Variants in PDE4D observed in about 807,000 individuals in gnomAD.
The protein encoded by PDE4D is 3',5'-cyclic-AMP phosphodiesterase 4D.
A neutral mutation model predicts 87.4 loss-of-function variants in PDE4D; 24 were observed. The ratio of observed to expected loss-of-function variants is 0.27; its 90% CI spans 0.20 to 0.39. PDE4D has a LOEUF of 0.39. Ranked by LOEUF, PDE4D falls within the 10% of genes least tolerant of loss-of-function variation. The pLI is 1.00. For synonymous variants in PDE4D, 384 were observed against 383.2 expected, an observed-to-expected ratio of 1.00 and a Z score of -0.02; for missense variants, 714 against 1,041.0, an observed-to-expected ratio of 0.69 and a Z score of 4.32.
intron 1 of PDE4D, among the ~76,000 whole-genome samples, chr5:59,229,789 C>T (rs10052063): frequency 0.21 from 32,608 of 152,070 alleles, 4,427 homozygotes; most frequent in East Asian, 0.6. Context: ...CACCTTATAT[C>T]ATTACTTAAT....
chr5:59,807,933 G>A (rs1360090128), intron 1 of PDE4D, among the ~76,000 whole-genome samples: 1 of 152,176 alleles, frequency 6.6e-6, no homozygotes, highest in African/African-American at 2.4e-5. Context: ...TCTGTGGTGG[G>A]GTTGGGAAAT....
At chr5:59,235,500 T>C (rs1186176512) in intron 1 of PDE4D, among the ~76,000 whole-genome samples, 1 of 152,024 alleles carries the variant, frequency 6.6e-6, no homozygotes, top group Non-Finnish European at 1.5e-5. Flanking sequence ...GTGCCTAGAG[T>C]CTCATAGATT....
At position 59,762,364 on chromosome 5, in the gene PDE4D, G is replaced by A. The variant is rs182567726; in HGVS notation, c.455+130804C>T. On this transcript the variant is annotated intron_variant, in intron 1 of 14. Coordinates refer to ENST00000340635, the MANE Select transcript of PDE4D (RefSeq NM_001104631.2). ...TACACATATGCATATATGTGTATAT[G>A]GGTACACATGTGTATATGTGTATAT... 1.3e-4 allele frequency among the ~76,000 whole-genome samples: 16 copies of A among 126,816 alleles called. No individual in the cohort carries two copies. The East Asian group carries it at 3.2e-3, about 26-fold the overall frequency. The allele number at this position is 126,816 out of a possible 152,430, so 83.2% of individuals were successfully genotyped here.
At chr5:60,066,295 T>C (rs1195663186) in intron 2 of PDE4D, among the ~76,000 whole-genome samples, 1 of 152,188 alleles carries the variant, frequency 6.6e-6, no homozygotes, top group Non-Finnish European at 1.5e-5. Context: ...TGTTTTTTTC[T>C]TGTAAATTTG....
At chr5:59,427,311 AC>A (rs1795415128) in intron 1 of PDE4D, among the ~76,000 whole-genome samples, 2 of 150,408 alleles carry the variant, frequency 1.3e-5, no homozygotes, top group African/African-American at 4.9e-5. Context: ...ACACACACAC[AC>A]ACACACACAC....
intron 1 of PDE4D, among the ~76,000 whole-genome samples, chr5:60,464,149 A>G (rs1415146052): frequency 6.6e-6 from 1 of 152,160 alleles, no homozygotes; most frequent in Non-Finnish European, 1.5e-5. Flanking sequence ...CCAGGAAGCC[A>G]TGTAATTTTT....
intron 1 of PDE4D, among the ~76,000 whole-genome samples, chr5:60,438,820 T>C (rs919274289): frequency 6.6e-6 from 1 of 151,912 alleles, no homozygotes; most frequent in Non-Finnish European, 1.5e-5. Flanking sequence ...CAAAGTAGCA[T>C]TTTTTTTCCT....
intron 1 of PDE4D, among the ~76,000 whole-genome samples, chr5:60,441,255 A>G (rs1745185767): frequency 6.6e-6 from 1 of 152,174 alleles, no homozygotes; most frequent in Non-Finnish European, 1.5e-5. Context: ...AGACCAATGG[A>G]ACAGAACAGA....
intron 1 of PDE4D, among the ~76,000 whole-genome samples, chr5:59,491,941 C>A (rs1340814624): frequency 4.6e-5 from 7 of 152,232 alleles, no homozygotes; most frequent in Admixed American, 2.6e-4. Context: ...AACCCAGATA[C>A]CCATTCAGGA....
chr5:60,389,318 T>C (rs1762413853), intron 1 of PDE4D, among the ~76,000 whole-genome samples: 1 of 152,168 alleles, frequency 6.6e-6, no homozygotes, highest in South Asian at 2.1e-4. Context: ...TGAAACTGTA[T>C]TCAAAAGGTT....
intron 1 of PDE4D, among the ~76,000 whole-genome samples, chr5:60,294,259 C>T (rs1753180690): frequency 1.3e-5 from 2 of 152,044 alleles, no homozygotes; most frequent in Non-Finnish European, 2.9e-5. Context: ...AAATGCTTTG[C>T]CCATTTTTAT....
At chr5:59,979,998 A>T in intron 3 of PDE4D, among the ~76,000 whole-genome samples, 1 of 152,224 alleles carries the variant, frequency 6.6e-6, no homozygotes, top group East Asian at 1.9e-4. Context: ...AACTGAAAAT[A>T]TATTTTTCAT....
At position 60,048,886 on chromosome 5, in the gene PDE4D, G is replaced by C. The variant is rs138677865; in HGVS notation, c.43-60169C>G. ...GAGGAGTATCTTTTTGGCATTCTCT[G>C]TATTTCCTGAATCTGAATTTTGGCC... On this transcript the variant is annotated intron_variant, in intron 2 of 16. Transcript: ENST00000502484. 6.6e-3 allele frequency among the ~76,000 whole-genome samples: 1,009 copies of C among 152,236 alleles called. 9 individuals are homozygous for C. The highest frequency in any genetic ancestry group is 0.024 in the African/African-American group (979 of 41,524).
At chr5:59,688,482 C>T (rs925535973) in intron 1 of PDE4D, among the ~76,000 whole-genome samples, 5 of 151,922 alleles carry the variant, frequency 3.3e-5, no homozygotes, top group African/African-American at 7.3e-5. Flanking sequence ...GGGTACATAA[C>T]GAAATGAAGG....
At chr5:59,921,957 A>G (rs1019742564) in intron 3 of PDE4D, among the ~76,000 whole-genome samples, 1 of 152,196 alleles carries the variant, frequency 6.6e-6, no homozygotes, top group Non-Finnish European at 1.5e-5. Context: ...AGGGTAGGAA[A>G]GAAAGTCTTG....
chr5:60,438,668 A>ATT (rs141801465), intron 1 of PDE4D, among the ~76,000 whole-genome samples: 1 of 150,278 alleles, frequency 6.7e-6, no homozygotes, highest in African/African-American at 2.4e-5. Flanking sequence ...AAAATGAGCA[A>ATT]TTTTTTTTTT....
At chr5:58,985,714 G>A (rs1746270080) in intron 11 of PDE4D, among the ~76,000 whole-genome samples, 1 of 152,146 alleles carries the variant, frequency 6.6e-6, no homozygotes, top group Non-Finnish European at 1.5e-5. Context: ...CTGAGAATGT[G>A]CTGGCTTGAC....
At chr5:59,380,388 C>CAAAAAAAAAAAAAA (rs10574102) in intron 1 of PDE4D, among the ~76,000 whole-genome samples, 2 of 108,920 alleles carry the variant, frequency 1.8e-5, no homozygotes, top group Non-Finnish European at 3.7e-5. Flanking sequence ...CAAAAGCAAT[C>CAAAAAAAAAAAAAA]AAAAAAAAAA....
At chr5:60,077,421 G>A (rs2152900858) in intron 2 of PDE4D, among the ~76,000 whole-genome samples, 1 of 152,238 alleles carries the variant, frequency 6.6e-6, no homozygotes, top group South Asian at 2.1e-4. Flanking sequence ...GTGTCTGCAG[G>A]GACTGCTATG....
Sources: gnomAD v4.1 joint callset for allele counts (sites outside exome capture counted in the v4.1 genomes callset) on GRCh38, gnomAD v4.1.1 for gene constraint, MANE v1.5 for transcripts, NCBI Gene and HGNC (gene_info 2026-07-23, HGNC 2026-07-21) for gene names.